The following SH3BP2 variants were observed in gnomAD, a reference collection of about 807,000 sequenced individuals.
SH3BP2 encodes the protein SH3 domain binding protein 2.
SH3BP2 carries 38 observed loss-of-function variants against 56.2 expected under a neutral mutation model. The ratio of observed to expected loss-of-function variants is 0.68; its 90% confidence interval spans 0.52 to 0.89. The LOEUF is 0.89. Among genes scored for constraint, SH3BP2 ranks in the 40% least tolerant of loss-of-function variants. The pLI is 0.00. For synonymous variants in SH3BP2, 346 were observed against 316.7 expected, an observed-to-expected ratio of 1.09 and a Z score of -0.98; for missense variants, 748 against 762.6, an observed-to-expected ratio of 0.98 and a Z score of 0.23.
intron 1 of SH3BP2, among the ~76,000 whole-genome samples, chr4:2,808,699 C>T (rs902514117): frequency 3.3e-5 from 5 of 152,230 alleles, no homozygotes; most frequent in African/African-American, 9.6e-5. Flanking sequence ...GGGAGGGGCT[C>T]ATGCAAAACA....
chr4:2,832,349 C>T lies in SH3BP2; in HGVS notation c.1425C>T (p.Ser475=), dbSNP rs768514069. The change falls in exon 11 of 13, where the codon AGC becomes AGT. Residue 475 remains serine, a synonymous_variant. Transcript: ENST00000503393. ...ATTTTAGGTTGTTCAAGGCTACAAG[C>T]CCCCGGGGAGAGCCCCAGGATGGAC... ...CEVERLFKAT[S]PRGEPQDGLY... 2 of 1,613,670 alleles carry T rather than the reference C, an allele frequency of 1.2e-6. No individual in the cohort carries two copies. The highest frequency in any genetic ancestry group is 1.1e-5 in the South Asian group (1 of 91,076).
At position 2,829,347 on chromosome 4, in the gene SH3BP2, C is replaced by T. The variant is rs894245308; in HGVS notation, c.587-146C>T. The stretch of plus-strand genomic sequence containing the variant: ...CCCTGGGGAAGGCAGGATGGGAGTG[C>T]TGGGTGCTGGGCTGCTGGGTGGGCA... On this transcript the variant is annotated intron_variant, in intron 7 of 12. Coordinates refer to ENST00000503393, the MANE Select transcript of SH3BP2 (RefSeq NM_001122681.2). This position sits in a 1 kb window ranked among gnomAD's most constrained non-coding sequence, Gnocchi z 4.9. 89 of 774,666 alleles carry T rather than the reference C, an allele frequency of 1.1e-4. No homozygotes were observed. Among genetic ancestry groups the T allele is most frequent in the Non-Finnish European group, 1.7e-4 (79 of 457,792 alleles). The allele number at this position is 774,666 out of a possible 1,614,324, so 48.0% of individuals were successfully genotyped here.
intron 1 of SH3BP2, among the ~76,000 whole-genome samples, chr4:2,813,125 G>A (rs371201230): frequency 2.6e-5 from 4 of 152,194 alleles, no homozygotes; most frequent in African/African-American, 9.7e-5. Flanking sequence ...GAAAGATTCT[G>A]GGAACAGGAA....
chr4:2,799,745 C>T (rs1006058720), intron 1 of SH3BP2, among the ~76,000 whole-genome samples: 11 of 152,148 alleles, frequency 7.2e-5, no homozygotes, highest in African/African-American at 1.7e-4. Flanking sequence ...CCTTCCAGTA[C>T]GAAGCTGGGA....
intron 1 of SH3BP2, chr4:2,818,423 G>T: frequency 8.8e-7 from 1 of 1,132,362 alleles, no homozygotes; most frequent in Non-Finnish European, 1.1e-6. Context: ...CGAGCCCCGG[G>T]ACCCGGGCCG....
rs148501047 is a variant in SH3BP2, at chr4:2,810,317, C to T, written c.-4-10297C>T. 2.0e-5 allele frequency among the ~76,000 whole-genome samples: 3 copies of T among 151,478 alleles called. No homozygotes were observed. Among genetic ancestry groups the T allele is most frequent in the South Asian group, 2.1e-4 (1 of 4,800 alleles). On this transcript the variant is annotated intron_variant, in intron 1 of 12. Transcript: ENST00000503393. This position sits in a 1 kb window ranked among gnomAD's most constrained non-coding sequence, Gnocchi z 4.2. ...CTGCTCCTCTCCTCTGGGCTGGACTCCCCCTGTAGCATCACAGCATTGGAC... is the reference window on the plus strand; with the variant it reads ...CTGCTCCTCTCCTCTGGGCTGGACTTCCCCTGTAGCATCACAGCATTGGAC...
rs548901364 is a variant in SH3BP2, at chr4:2,831,207, C to T, written c.1242-364C>T. On this transcript the variant is annotated intron_variant, in intron 8 of 12. Coordinates refer to ENST00000503393, the MANE Select transcript of SH3BP2 (RefSeq NM_001122681.2). This position sits in a 1 kb window ranked among gnomAD's most constrained non-coding sequence, Gnocchi z 4.1. Reference sequence around the variant, plus strand: ...CACACTGCATTGTTCATCCAGTTCACGTCCACTCCCCTGTGGCTCTGAGTG... The same window carrying T: ...CACACTGCATTGTTCATCCAGTTCATGTCCACTCCCCTGTGGCTCTGAGTG... Among the ~76,000 whole-genome samples the T allele has an allele frequency of 5.3e-5, 8 of 152,348 alleles. No homozygotes were observed. In the East Asian group the frequency reaches 5.8e-4, roughly 11 times the overall value.
chr4:2,802,612 G>A (rs1181119845), intron 1 of SH3BP2, among the ~76,000 whole-genome samples: 2 of 146,516 alleles, frequency 1.4e-5, no homozygotes, highest in South Asian at 2.2e-4. Flanking sequence ...GTGTATATAT[G>A]TGTATATATG....
At chr4:2,822,726 A>C (rs1724374939) in intron 2 of SH3BP2, among the ~76,000 whole-genome samples, 1 of 152,196 alleles carries the variant, frequency 6.6e-6, no homozygotes, top group Non-Finnish European at 1.5e-5. Context: ...CTCTGGGGCT[A>C]GCCAGTGTGC....
intron 4 of SH3BP2, 123 bp from the exon 5 acceptor site, chr4:2,825,000 ATCC>A: frequency 1.1e-6 from 1 of 880,924 alleles, no homozygotes; most frequent in Non-Finnish European, 1.9e-6. Context: ...GCCATGTTGT[ATCC>A]AGCCGGGTCG....
rs1008489401 is a variant in SH3BP2, at chr4:2,810,203, T to A, written c.-4-10411T>A. 1.3e-5 allele frequency among the ~76,000 whole-genome samples: 2 copies of A among 151,976 alleles called. No individual in the cohort carries two copies. The highest frequency in any genetic ancestry group is 4.1e-4 in the South Asian group (2 of 4,834). ...CAGAGGTCACCCAGCAGCCCAGGAC[T>A]CCCAGCTCCAGCTTCCCTCTGGGAA... On this transcript the variant is annotated intron_variant, in intron 1 of 12. Coordinates refer to ENST00000503393, the MANE Select transcript of SH3BP2 (RefSeq NM_001122681.2). This position sits in a 1 kb window ranked among gnomAD's most constrained non-coding sequence, Gnocchi z 4.2.
intron 5 of SH3BP2, chr4:2,826,751 TTG>T (rs1342310979): frequency 1.9e-5 from 7 of 367,532 alleles, no homozygotes; most frequent in East Asian, 7.3e-5. Flanking sequence ...CGCGTGTTGC[TTG>T]TGTTTGTGTG....
chr4:2,832,236 G>C, intron 10 of SH3BP2, 95 bp from the exon 11 acceptor site: 3 of 1,173,064 alleles, frequency 2.6e-6, no homozygotes, highest in Non-Finnish European at 3.9e-6. Context: ...ACAACAGCGA[G>C]AGGACAGAAA....
rs1725011338 is a variant in SH3BP2, at chr4:2,831,932, C to T, written c.1360C>T (p.Pro454Ser). Residue 454 changes from proline (P) to serine (S), a missense_variant, in exon 10 of 13, where the codon CCC (proline) becomes TCC (serine). Physicochemically the swap from Pro to Ser is moderately conservative, Grantham distance 74. Coordinates refer to ENST00000503393, the MANE Select transcript of SH3BP2 (RefSeq NM_001122681.2). The surrounding 1 kb of genome is among the most constrained non-coding windows in gnomAD (Gnocchi z 4.1). ...CGTCAGCCTCTTGCAGGTGCCACTG[C>T]CCAACTCGGTCTTCGTCAACACCAC... ...SDEDYEKVPL[P>S]NSVFVNTTES... 6.2e-7 allele frequency: 1 copy of T among 1,612,876 alleles called. No individual in the cohort carries two copies. Among genetic ancestry groups the T allele is most frequent in the Non-Finnish European group, 8.5e-7 (1 of 1,180,016 alleles).
rs557710127 is a variant in SH3BP2 at position 2,835,241 on chromosome 4, T to A, written c.*1407T>A. On this transcript the variant is annotated 3_prime_UTR_variant, in exon 13 of 13. Transcript: ENST00000503393. ...GGTCCTGCAGCCCCCTTCCCCTGGG[T>A]GTGTTCTGGGGACCTGTGGTTTGCT... 6.6e-6 allele frequency: 1 copy of A among 152,348 alleles called. No individual in the cohort carries two copies. Among genetic ancestry groups the A allele is most frequent in the Non-Finnish European group, 1.5e-5 (1 of 68,144 alleles). 9.4% of individuals were successfully genotyped at this position (152,348 alleles called of 1,614,324 possible).
At chr4:2,809,606 CTT>C (rs1350667400) in intron 1 of SH3BP2, among the ~76,000 whole-genome samples, 5 of 152,350 alleles carry the variant, frequency 3.3e-5, no homozygotes, top group Non-Finnish European at 5.9e-5. Flanking sequence ...GGACTGTCCT[CTT>C]GGGCTGTGAG....
chr4:2,827,007 C>G (rs1724693448), intron 5 of SH3BP2: 2 of 677,664 alleles, frequency 3.0e-6, no homozygotes, highest in Non-Finnish European at 5.4e-6. Flanking sequence ...GTGTGTCTGT[C>G]AGCGTATCCA....
In SH3BP2 at chr4:2,822,938, C is replaced by T; in HGVS notation, c.140C>T (p.Pro47Leu). Residue 47 changes from proline to leucine, a missense_variant, in exon 3 of 13, where the codon CCC becomes CTC. Pro to Leu is a moderately conservative substitution (Grantham distance 98). Coordinates refer to ENST00000503393, the MANE Select transcript of SH3BP2 (RefSeq NM_001122681.2). ...GGTQLQLLKW[P>L]LRFVIIHKRC... ...CTGCCCTTGCCACCTCCCACAGGGC[C>T]CCTGCGCTTTGTCATCATCCACAAA... The T allele has an allele frequency of 6.2e-7, 1 of 1,613,646 alleles. No homozygotes were observed. Among genetic ancestry groups the T allele is most frequent in the Non-Finnish European group, 8.5e-7 (1 of 1,179,690 alleles).
At chr4:2,812,643 G>C (rs556119515) in intron 1 of SH3BP2, among the ~76,000 whole-genome samples, 1 of 152,364 alleles carries the variant, frequency 6.6e-6, no homozygotes, top group African/African-American at 2.4e-5. Flanking sequence ...GCTCTGAGGA[G>C]AGTGGCCTCT....
Sources: allele counts gnomAD v4.1 joint callset (sites outside exome capture counted in the v4.1 genomes callset), GRCh38; gene constraint gnomAD v4.1.1; non-coding constraint Gnocchi (gnomAD v3.1); transcripts MANE v1.5; gene names NCBI Gene and HGNC (gene_info 2026-07-23, HGNC 2026-07-21).